MYRIP: variants seen among roughly 807,000 people sequenced by gnomAD.
MYRIP encodes the protein rab effector MyRIP.
MYRIP carries 49 observed loss-of-function variants against 98.0 expected under a neutral mutation model. That is an observed-to-expected ratio of 0.50 (90% CI 0.40 to 0.63). MYRIP has a LOEUF of 0.63. Ranked by LOEUF, MYRIP falls within the 30% of genes least tolerant of loss-of-function variation. The pLI is 0.00. For missense variants in MYRIP, 1,004 were observed against 1,058.2 expected, an observed-to-expected ratio of 0.95 and a Z score of 0.71; for synonymous variants, 404 against 409.5, an observed-to-expected ratio of 0.99 and a Z score of 0.16.
At chr3:40,139,025 A>C (rs1949839952) in intron 3 of MYRIP, among the ~76,000 whole-genome samples, 1 of 152,028 alleles carries the variant, frequency 6.6e-6, no homozygotes, top group African/African-American at 2.4e-5. Flanking sequence ...TTTTACTTCT[A>C]TGAGATCAAT....
At chr3:40,165,816 A>G (rs1055635135) in intron 5 of MYRIP, among the ~76,000 whole-genome samples, 2 of 151,710 alleles carry the variant, frequency 1.3e-5, no homozygotes, top group Admixed American at 6.6e-5. Context: ...TAATCACGTT[A>G]GCTTGTATTC....
At chr3:39,810,778 C>G (rs1940657221) in intron 1 of MYRIP, 1 of 152,220 alleles carries the variant, frequency 6.6e-6, no homozygotes, top group South Asian at 2.1e-4. Context: ...AAGCACCGTC[C>G]CCAAGGATAA....
chr3:40,211,271 G>A (rs868784217), intron 11 of MYRIP, among the ~76,000 whole-genome samples: 1 of 152,164 alleles, frequency 6.6e-6, no homozygotes, highest in Non-Finnish European at 1.5e-5. Context: ...TGTGTCCCAA[G>A]TATATACTGT....
At chr3:40,228,644 A>G (rs1424367000) in intron 11 of MYRIP, among the ~76,000 whole-genome samples, 1 of 152,170 alleles carries the variant, frequency 6.6e-6, no homozygotes, top group Non-Finnish European at 1.5e-5. Flanking sequence ...TGTTCTTGTT[A>G]TAGGTGTTGG....
intron 11 of MYRIP, among the ~76,000 whole-genome samples, chr3:40,213,606 A>C (rs1156323464): frequency 1.0e-5 from 1 of 99,964 alleles, no homozygotes; most frequent in African/African-American, 3.1e-5. Flanking sequence ...CACTAGTCTG[A>C]GCAACACACA....
At chr3:40,212,196 A>ACG (rs1951967568) in intron 11 of MYRIP, among the ~76,000 whole-genome samples, 1 of 58,646 alleles carries the variant, frequency 1.7e-5, no homozygotes, top group Admixed American at 2.3e-4. Context: ...GTGTATATAC[A>ACG]TATATATACG....
intron 1 of MYRIP, among the ~76,000 whole-genome samples, chr3:39,886,519 A>C (rs1943308291): frequency 1.3e-5 from 2 of 151,640 alleles, no homozygotes; most frequent in Non-Finnish European, 2.9e-5. Context: ...GGAAAACAAA[A>C]AAAGGCAGGG....
At chr3:40,202,096 A>T (rs1383468850) in intron 10 of MYRIP, among the ~76,000 whole-genome samples, 1 of 152,206 alleles carries the variant, frequency 6.6e-6, no homozygotes, top group Admixed American at 6.5e-5. Context: ...GTCTACTAAA[A>T]TAAAATCTAA....
intron 2 of MYRIP, among the ~76,000 whole-genome samples, chr3:40,030,703 A>G (rs953757088): frequency 4.6e-5 from 7 of 152,204 alleles, no homozygotes; most frequent in African/African-American, 1.7e-4. Flanking sequence ...CACATTATGC[A>G]AAGTGAAAGA....
intron 3 of MYRIP, among the ~76,000 whole-genome samples, chr3:40,056,262 C>T (rs1304937060): frequency 6.6e-6 from 1 of 152,204 alleles, no homozygotes; most frequent in Non-Finnish European, 1.5e-5. Flanking sequence ...TCAATTGCCT[C>T]CTAGCAGTGT....
chr3:40,130,582 G>T (rs1233758501), intron 3 of MYRIP, among the ~76,000 whole-genome samples: 12 of 151,456 alleles, frequency 7.9e-5, no homozygotes, highest in Non-Finnish European at 1.6e-4. Flanking sequence ...GGGTTTCACC[G>T]TGTTAGCCAG....
chr3:39,878,942 TG>T (rs1943090339), intron 1 of MYRIP, among the ~76,000 whole-genome samples: 1 of 151,028 alleles, frequency 6.6e-6, no homozygotes, highest in Non-Finnish European at 1.5e-5. Context: ...GGCGCACGCC[TG>T]TAGTCCCAGC....
intron 11 of MYRIP, among the ~76,000 whole-genome samples, chr3:40,226,094 C>T (rs951410121): frequency 6.6e-6 from 1 of 152,096 alleles, no homozygotes. Context: ...CCCTTCAGCC[C>T]TCCCCTCAGG....
chr3:39,848,471 C>G (rs1942038245), intron 1 of MYRIP, among the ~76,000 whole-genome samples: 1 of 151,976 alleles, frequency 6.6e-6, no homozygotes, highest in South Asian at 2.1e-4. Context: ...ATTTTGACTC[C>G]TCTTTACTTT....
intron 2 of MYRIP, among the ~76,000 whole-genome samples, chr3:39,941,251 G>T (rs1423962468): frequency 6.6e-6 from 1 of 152,138 alleles, no homozygotes; most frequent in Non-Finnish European, 1.5e-5. Context: ...TCGTGAGTGA[G>T]TGAGAGAGGG....
chr3:40,192,104 T>G (rs898798952), intron 10 of MYRIP, among the ~76,000 whole-genome samples: 1 of 112,976 alleles, frequency 8.9e-6, no homozygotes, highest in African/African-American at 4.7e-5. Context: ...CCCTGATGGG[T>G]TTTTTTTTTT....
Position 40,211,205 on chromosome 3 carries a change from T to A in MYRIP, c.1905+1112T>A, listed in dbSNP as rs78702744. Among the ~76,000 whole-genome samples the A allele has an allele frequency of 2.0e-5, 3 of 152,264 alleles. No homozygotes were observed. In the East Asian group the frequency reaches 5.8e-4, roughly 29 times the overall value. ...CCTTCCTTTACAATGAGCCAGAGATTCTATTTTATCTTCAGAGTGATGATT... is the reference window on the plus strand; with the variant it reads ...CCTTCCTTTACAATGAGCCAGAGATACTATTTTATCTTCAGAGTGATGATT... On this transcript the variant is annotated intron_variant, in intron 11 of 16. Transcript: ENST00000302541.
At chr3:39,998,270 T>C (rs1000346880) in intron 2 of MYRIP, among the ~76,000 whole-genome samples, 1 of 152,340 alleles carries the variant, frequency 6.6e-6, no homozygotes, top group East Asian at 1.9e-4. Flanking sequence ...CATGATTGTA[T>C]GTCTAGGAAA....
intron 2 of MYRIP, among the ~76,000 whole-genome samples, chr3:40,009,367 G>T (rs1233044748): frequency 6.6e-6 from 1 of 151,882 alleles, no homozygotes; most frequent in African/African-American, 2.4e-5. Context: ...CTCCCGAGTA[G>T]CTGGGACTCC....
Sources: allele counts gnomAD v4.1 joint callset (sites outside exome capture counted in the v4.1 genomes callset), GRCh38; gene constraint gnomAD v4.1.1; transcripts MANE v1.5; gene names NCBI Gene and HGNC (gene_info 2026-07-23, HGNC 2026-07-21).